Variants in UBE2D3 observed in about 807,000 individuals in gnomAD.
UBE2D3 encodes ubiquitin conjugating enzyme E2 D3.
UBE2D3 carries 2 observed loss-of-function variants against 22.8 expected under a neutral mutation model. The ratio of observed to expected loss-of-function variants is 0.09; its 90% confidence interval spans 0.04 to 0.28. The LOEUF is 0.28. Ranked by LOEUF, UBE2D3 falls within the 10% of genes least tolerant of loss-of-function variation. UBE2D3 has a pLI of 1.00. For missense variants in UBE2D3, 27 were observed against 182.5 expected (o/e 0.15, Z 4.91); for synonymous variants, 56 against 60.4 (o/e 0.93, Z 0.34).
chr4:102,825,722 A>G (rs1457215915), intron 2 of UBE2D3: 3 of 551,056 alleles, frequency 5.4e-6, no homozygotes, highest in Admixed American at 4.7e-5. Flanking sequence ...AAATAGGTAC[A>G]TTAGCTTTCC....
rs1056027740 is a variant in UBE2D3, at chr4:102,842,301, A to G, written c.-128-15665T>C. Among the ~76,000 whole-genome samples, 42 of 151,932 alleles carry G rather than the reference A, an allele frequency of 2.8e-4. 3 individuals carry two copies. On this transcript the variant is annotated intron_variant, in intron 1 of 7. Transcript: ENST00000338145. ...TGAGGTGCCTCATGCCTGTAATCCC[A>G]TTGCTTTGGGATGCCAAAGCAGGAG...
chr4:102,842,230 A>C, intron 1 of UBE2D3, among the ~76,000 whole-genome samples: 1 of 151,718 alleles, frequency 6.6e-6, no homozygotes, highest in Non-Finnish European at 1.5e-5. Context: ...TGAGGGAGTA[A>C]AGTTTTGATA....
At chr4:102,861,160 A>C (rs1034087220) in intron 1 of UBE2D3, among the ~76,000 whole-genome samples, 1 of 152,002 alleles carries the variant, frequency 6.6e-6, no homozygotes, top group Non-Finnish European at 1.5e-5. Flanking sequence ...CTCATGGGCC[A>C]AAAGGGCCTC....
intron 1 of UBE2D3, among the ~76,000 whole-genome samples, chr4:102,842,208 G>A (rs926341657): frequency 6.7e-6 from 1 of 149,806 alleles, no homozygotes; most frequent in Non-Finnish European, 1.5e-5. Flanking sequence ...CAACTACCTT[G>A]TGTATTTTGA....
At chr4:102,861,417 T>G (rs925550321) in intron 1 of UBE2D3, among the ~76,000 whole-genome samples, 2 of 151,990 alleles carry the variant, frequency 1.3e-5, no homozygotes, top group African/African-American at 4.8e-5. Context: ...TAGTATTATT[T>G]CACACAGAAT....
Position 102,858,143 on chromosome 4 carries a change from C to A in UBE2D3, c.-129+10572G>T, listed in dbSNP as rs74793270. Among the ~76,000 whole-genome samples the A allele has an allele frequency of 9.6e-3, 1,454 of 152,020 alleles. 22 individuals carry two copies. Among genetic ancestry groups the A allele is most frequent in the African/African-American group, 0.032 (1,339 of 41,496 alleles). Reference sequence around the variant, plus strand: ...CTTGCACTAATAAGTTACTTTAATTCTTTAAGGTTGTCTTGAGAATTAAAA... The same window carrying A: ...CTTGCACTAATAAGTTACTTTAATTATTTAAGGTTGTCTTGAGAATTAAAA... On this transcript the variant is annotated intron_variant, in intron 1 of 7. Coordinates refer to the UBE2D3 transcript ENST00000338145.
At chr4:102,860,608 G>A (rs1412031391) in intron 1 of UBE2D3, among the ~76,000 whole-genome samples, 1 of 151,892 alleles carries the variant, frequency 6.6e-6, no homozygotes, top group African/African-American at 2.4e-5. Flanking sequence ...CTCTTGTTCT[G>A]TCTTGGGAGG....
rs1291839708 is a variant in UBE2D3 at position 102,795,952 on chromosome 4, T to C, written c.*1463A>G. 1.3e-5 allele frequency: 2 copies of C among 152,482 alleles called. No homozygotes were observed. The highest frequency in any genetic ancestry group is 2.9e-5 in the Non-Finnish European group (2 of 67,918). 9.4% of individuals were successfully genotyped at this position (152,482 alleles called of 1,614,324 possible). A position where few individuals can be genotyped will look rare whatever the true frequency, so the allele number is the denominator to read the frequency against. On this transcript the variant is annotated 3_prime_UTR_variant, in exon 8 of 8. Coordinates refer to ENST00000453744, the MANE Select transcript of UBE2D3 (RefSeq NM_181891.3). The stretch of plus-strand genomic sequence containing the variant: ...ACAGAAGTTAAATCAGTGGCACAGA[T>C]AGCACTTGTCAAACAAAAAACAATC...
At chr4:102,814,697 T>A (rs1211131710) in intron 2 of UBE2D3, among the ~76,000 whole-genome samples, 1 of 152,124 alleles carries the variant, frequency 6.6e-6, no homozygotes, top group Admixed American at 6.6e-5. Context: ...CATAATGGAC[T>A]GGTACTTAAC....
intron 1 of UBE2D3, chr4:102,827,182 C>G: frequency 1.0e-6 from 1 of 987,018 alleles, no homozygotes; most frequent in Non-Finnish European, 1.2e-6. Context: ...CCGCGCGCGC[C>G]CGCCCAGCCA....
intron 2 of UBE2D3, chr4:102,812,560 T>C (rs1179914953): frequency 6.6e-6 from 1 of 152,186 alleles, no homozygotes; most frequent in East Asian, 1.9e-4. Flanking sequence ...AATCAGATAA[T>C]GTTGACATCT....
intron 1 of UBE2D3, 171 bp downstream of exon 1, chr4:102,827,252 TTCCC>T: frequency 1.0e-6 from 1 of 960,140 alleles, no homozygotes; most frequent in Non-Finnish European, 1.2e-6. Flanking sequence ...GACGCGCCCA[TTCCC>T]CCTCCTCCTC....
At chr4:102,867,355 CA>C (rs1179790942) in intron 1 of UBE2D3, among the ~76,000 whole-genome samples, 1 of 152,126 alleles carries the variant, frequency 6.6e-6, no homozygotes, top group Non-Finnish European at 1.5e-5. Context: ...CTGTCATACA[CA>C]ATGAAATACT....
intron 2 of UBE2D3, among the ~76,000 whole-genome samples, chr4:102,813,491 C>T (rs1265933467): frequency 6.6e-6 from 1 of 152,092 alleles, no homozygotes; most frequent in Middle Eastern, 3.2e-3. Context: ...GTAAAATGGT[C>T]AACTTACAGG....
At chr4:102,813,487 T>C (rs1476908370) in intron 2 of UBE2D3, among the ~76,000 whole-genome samples, 2 of 152,170 alleles carry the variant, frequency 1.3e-5, no homozygotes, top group Admixed American at 1.3e-4. Context: ...TTAAGTAAAA[T>C]GGTCAACTTA....
At chr4:102,801,676 A>C (rs1726172309) in intron 5 of UBE2D3, 117 bp from the exon 6 acceptor site, 2 of 802,518 alleles carry the variant, frequency 2.5e-6, no homozygotes, top group Non-Finnish European at 3.8e-6. Context: ...AGAAGTTCTA[A>C]ATATTATAGA....
chr4:102,826,472 C>T lies in UBE2D3; in HGVS notation c.24+13G>A, dbSNP rs781140448. ...TTCTCCTACCACCCCATGCCCTTGT[C>T]CCCGCGGGTTACCTTATTAATCCGT... On this transcript the variant is annotated intron_variant, in intron 2 of 7. Coordinates refer to ENST00000453744, the MANE Select transcript of UBE2D3 (RefSeq NM_181891.3). 6.2e-7 allele frequency: 1 copy of T among 1,613,892 alleles called. No homozygotes were observed. The highest frequency in any genetic ancestry group is 8.5e-7 in the Non-Finnish European group (1 of 1,179,958).
At chr4:102,829,383 TA>T (rs987356711), upstream of UBE2D3, among the ~76,000 whole-genome samples, 3 of 152,174 alleles carry the variant, frequency 2.0e-5, no homozygotes, top group Non-Finnish European at 4.4e-5. Flanking sequence ...CCAGATATAC[TA>T]AAAGCACAGG....
upstream of UBE2D3, chr4:102,828,326 T>C (rs543882926): frequency 2.1e-5 from 20 of 933,134 alleles, no homozygotes; most frequent in Admixed American, 4.3e-4. Context: ...AGGTGAGCAG[T>C]ATTTACTCGC....
Sources: allele counts gnomAD v4.1 joint callset (sites outside exome capture counted in the v4.1 genomes callset), GRCh38; gene constraint gnomAD v4.1.1; transcripts MANE v1.5; gene names NCBI Gene and HGNC (gene_info 2026-07-23, HGNC 2026-07-21).